The following DNAAF5 variants were observed in gnomAD, a reference collection of about 807,000 sequenced individuals.
DNAAF5 encodes HEAT repeat containing 2.
DNAAF5 carries 64 observed loss-of-function variants against 75.8 expected under a neutral mutation model. The observed-to-expected ratio is 0.84, with a 90% CI of 0.69 to 1.04. The LOEUF is 1.04. Among genes scored for constraint, DNAAF5 ranks in the 50% least tolerant of loss-of-function variants. The pLI, the probability that DNAAF5 is intolerant of heterozygous loss-of-function variation, is 0.00. For missense variants in DNAAF5, 1,269 were observed against 1,178.5 expected (o/e 1.08, Z -1.12); for synonymous variants, 657 against 557.2 (o/e 1.18, Z -2.52).
At chr7:747,001 T>A (rs1404508620) in intron 4 of DNAAF5, among the ~76,000 whole-genome samples, 1 of 152,192 alleles carries the variant, frequency 6.6e-6, no homozygotes. Context: ...TGAGTCACGT[T>A]CCCTCCCGTG....
At chr7:778,585 G>A (rs1281459026) in intron 11 of DNAAF5, 3 of 152,240 alleles carry the variant, frequency 2.0e-5, no homozygotes, top group Admixed American at 2.0e-4. Flanking sequence ...AAACACAATA[G>A]CCAGTGCCAC....
Position 785,679 on chromosome 7 carries a change from C to G in DNAAF5, c.*26C>G. On this transcript the variant is annotated 3_prime_UTR_variant, in exon 13 of 13. Transcript: ENST00000297440. ...CCACGCTGGTTTCAGCCACGGCACA[C>G]CCTTGTCCCCACCTGAGCCAGAGTT... The G allele has an allele frequency of 6.2e-7, 1 of 1,606,910 alleles. No individual in the cohort carries two copies. The highest frequency in any genetic ancestry group is 1.1e-5 in the South Asian group (1 of 90,808).
Position 727,303 on chromosome 7 carries a change from C to G in DNAAF5, c.583C>G (p.Gln195Glu). 4.6e-6 allele frequency: 6 copies of G among 1,291,738 alleles called. No homozygotes were observed. The highest frequency in any genetic ancestry group is 5.9e-6 in the Non-Finnish European group (6 of 1,023,260). 80.0% of individuals were successfully genotyped at this position (1,291,738 alleles called of 1,614,324 possible). ...CTGCAGCTGCGCCGCCGCCCTGGCG[C>G]AGGCCACGCCCGGTGAGCACCCCGG... ...ESCSCAAALA[Q>E]ATPDHFHMQS... is the part of the protein sequence containing the mutation. The change falls in exon 1 of 13, where the codon CAG becomes GAG. Residue 195 changes from glutamine (Q) to glutamate (E), a missense_variant. Transcript: ENST00000297440.
intron 4 of DNAAF5, among the ~76,000 whole-genome samples, chr7:746,624 C>T (rs895894004): frequency 6.6e-5 from 10 of 151,454 alleles, no homozygotes; most frequent in African/African-American, 9.7e-5. Context: ...GCCCTCCTTA[C>T]GGTCCTGCCA....
intron 4 of DNAAF5, among the ~76,000 whole-genome samples, chr7:745,194 C>T (rs142553401): frequency 3.3e-5 from 5 of 152,208 alleles, no homozygotes; most frequent in African/African-American, 7.2e-5. Flanking sequence ...TCATGCTACA[C>T]GGAGCCCAAG....
chr7:772,853 AAAAG>A (rs1201860142), intron 9 of DNAAF5: 3 of 152,198 alleles, frequency 2.0e-5, no homozygotes, highest in Middle Eastern at 3.2e-3. Flanking sequence ...TGTCTCAAAA[AAAAG>A]GAACGTGCCT....
intron 10 of DNAAF5, among the ~76,000 whole-genome samples, chr7:774,641 C>T (rs1778697858): frequency 6.6e-6 from 1 of 152,090 alleles, no homozygotes; most frequent in Non-Finnish European, 1.5e-5. Context: ...GGTCGCCGCC[C>T]GGCGGGAAGG....
chr7:770,715 C>T (rs926925309), intron 9 of DNAAF5, 97 bp downstream of exon 9: 5 of 1,171,628 alleles, frequency 4.3e-6, no homozygotes, highest in Non-Finnish European at 6.1e-6. Flanking sequence ...AGGGGGTTCC[C>T]ACCTCCTTCC....
chr7:745,005 C>T (rs1782035710), intron 4 of DNAAF5, among the ~76,000 whole-genome samples: 1 of 152,130 alleles, frequency 6.6e-6, no homozygotes, highest in Non-Finnish European at 1.5e-5. Context: ...GAGTGGAATC[C>T]CACGCGTGCT....
intron 6 of DNAAF5, among the ~76,000 whole-genome samples, chr7:759,838 G>A (rs1349522293): frequency 3.9e-5 from 6 of 152,116 alleles, no homozygotes; most frequent in Admixed American, 3.3e-4. Flanking sequence ...TCTTCTAAAC[G>A]CACCTGCCTT....
intron 8 of DNAAF5, among the ~76,000 whole-genome samples, chr7:769,696 T>C (rs1269918365): frequency 6.6e-6 from 1 of 152,260 alleles, no homozygotes; most frequent in Admixed American, 6.5e-5. Flanking sequence ...TTGCTCTTGG[T>C]GCCCAGGCTG....
intron 12 of DNAAF5, 62 bp from the exon 13 acceptor site, chr7:785,455 G>A (rs117445705): frequency 1.0e-5 from 16 of 1,578,306 alleles, no homozygotes; most frequent in Admixed American, 6.9e-5. Context: ...CAATTTGCAC[G>A]AGAGGTAAGA....
chr7:766,543 ATAGACT>A (rs1782827085), intron 8 of DNAAF5, among the ~76,000 whole-genome samples: 1 of 152,270 alleles, frequency 6.6e-6, no homozygotes, highest in Admixed American at 6.5e-5. Context: ...TAAAAGGAAC[ATAGACT>A]TAGGAAAATA....
intron 11 of DNAAF5, among the ~76,000 whole-genome samples, chr7:775,374 G>C (rs540019265): frequency 6.6e-6 from 1 of 152,048 alleles, no homozygotes; most frequent in African/African-American, 2.4e-5. Flanking sequence ...GCCATACCCC[G>C]ATCTCAACAA....
intron 6 of DNAAF5, 67 bp from the exon 7 acceptor site, chr7:761,686 G>T: frequency 6.6e-7 from 1 of 1,504,040 alleles, no homozygotes; most frequent in Admixed American, 2.1e-5. Flanking sequence ...TACAGTTCAA[G>T]ATGGGATTCG....
chr7:770,771 C>T, intron 9 of DNAAF5, 153 bp downstream of exon 9: 1 of 728,362 alleles, frequency 1.4e-6, no homozygotes, highest in East Asian at 2.8e-5. Context: ...CTCCCCCACA[C>T]TGAGTCAAAG....
chr7:782,025 C>T (rs950565428), intron 12 of DNAAF5, among the ~76,000 whole-genome samples: 5 of 152,272 alleles, frequency 3.3e-5, no homozygotes, highest in Admixed American at 1.3e-4. Flanking sequence ...TGCCTTTTGC[C>T]TCCTTTGGAA....
At chr7:777,969 T>C (rs950068472) in intron 11 of DNAAF5, among the ~76,000 whole-genome samples, 4 of 152,080 alleles carry the variant, frequency 2.6e-5, no homozygotes, top group African/African-American at 7.2e-5. Context: ...GAGAAGAGAA[T>C]GGAGGAGAGA....
intron 11 of DNAAF5, among the ~76,000 whole-genome samples, chr7:776,412 A>G (rs1381108122): frequency 6.6e-6 from 1 of 152,268 alleles, no homozygotes; most frequent in Non-Finnish European, 1.5e-5. Context: ...CAGCAATGAC[A>G]GATGAAATAC....
Sources: allele counts gnomAD v4.1 joint callset (sites outside exome capture counted in the v4.1 genomes callset), GRCh38; gene constraint gnomAD v4.1.1; transcripts MANE v1.5; gene names NCBI Gene and HGNC (gene_info 2026-07-23, HGNC 2026-07-21).